RNF150: variants seen among roughly 807,000 people sequenced by gnomAD.
RNF150 encodes ring finger protein 150.
In RNF150, 24 loss-of-function variants were observed where a neutral mutation model predicts 39.3. That is an observed-to-expected ratio of 0.61 (90% CI 0.44 to 0.86). RNF150 has a LOEUF of 0.86. RNF150 is among the 40% of genes least tolerant of loss of function. RNF150 has a pLI of 0.00. For missense variants in RNF150, 502 were observed against 587.8 expected, an observed-to-expected ratio of 0.85 and a Z score of 1.51; for synonymous variants, 255 against 227.3, an observed-to-expected ratio of 1.12 and a Z score of -1.10.
chr4:140,894,662 C>T (rs962842722), intron 6 of RNF150, among the ~76,000 whole-genome samples: 1 of 152,200 alleles, frequency 6.6e-6, no homozygotes, highest in Non-Finnish European at 1.5e-5. Context: ...AATCAATGCA[C>T]ATTTTGAACT....
rs1426216445 is a variant in RNF150 at position 140,911,008 on chromosome 4, G to C, written c.1198+136C>G. The C allele has an allele frequency of 7.1e-6, 5 of 706,936 alleles. No individual in the cohort carries two copies. In the Admixed American group the frequency reaches 1.4e-4, roughly 20 times the overall value. 43.8% of individuals were successfully genotyped at this position (706,936 alleles called of 1,614,324 possible). A position where few individuals can be genotyped will look rare whatever the true frequency, so the allele number is the denominator to read the frequency against. On this transcript the variant is annotated intron_variant, in intron 6 of 6. Transcript: ENST00000515673. The stretch of plus-strand genomic sequence containing the variant: ...AGGAAAGGCAGTTCTTCTAACAGCT[G>C]GCAGTTATAACTGATGAACCTAGCA...
chr4:140,959,726 A>G (rs1316235776), intron 2 of RNF150, among the ~76,000 whole-genome samples: 1 of 152,084 alleles, frequency 6.6e-6, no homozygotes, highest in African/African-American at 2.4e-5. Flanking sequence ...CCTTGTTTCA[A>G]CTCCCTCAGA....
intron 4 of RNF150, among the ~76,000 whole-genome samples, chr4:140,937,867 A>G (rs374589336): frequency 9.1e-4 from 139 of 152,306 alleles, no homozygotes; most frequent in African/African-American, 3.2e-3. Context: ...TGACCAATTC[A>G]TAACATAGGC....
intron 1 of RNF150, among the ~76,000 whole-genome samples, chr4:141,081,229 G>A (rs1390658174): frequency 1.3e-5 from 2 of 152,168 alleles, no homozygotes; most frequent in South Asian, 4.1e-4. Context: ...TTAGATGTTA[G>A]TTGAACTGTT....
At chr4:141,087,475 T>G (rs1372581488) in intron 1 of RNF150, among the ~76,000 whole-genome samples, 2 of 152,220 alleles carry the variant, frequency 1.3e-5, no homozygotes, top group Non-Finnish European at 2.9e-5. Flanking sequence ...ACTTTCACCT[T>G]ACATCTCTAA....
chr4:141,042,698 G>C (rs1475465756), intron 1 of RNF150, among the ~76,000 whole-genome samples: 2 of 152,036 alleles, frequency 1.3e-5, no homozygotes, highest in South Asian at 2.1e-4. Flanking sequence ...TATTGAAGGG[G>C]TAGTGCTTCT....
chr4:141,143,398 G>GC (rs1374239525), intron 1 of RNF150, among the ~76,000 whole-genome samples: 1 of 151,988 alleles, frequency 6.6e-6, no homozygotes, highest in Non-Finnish European at 1.5e-5. Flanking sequence ...ACTGCTCCCT[G>GC]CCCCACGTCT....
chr4:140,869,049 A>C (rs980088362), intron 6 of RNF150, among the ~76,000 whole-genome samples: 3 of 152,194 alleles, frequency 2.0e-5, no homozygotes, highest in African/African-American at 7.2e-5. Context: ...TTCACTCAGT[A>C]ATTTCATTTC....
chr4:141,111,233 C>T (rs1739375740), intron 1 of RNF150, among the ~76,000 whole-genome samples: 1 of 152,164 alleles, frequency 6.6e-6, no homozygotes, highest in Non-Finnish European at 1.5e-5. Context: ...TATTGTTCAC[C>T]TGCTGGGATA....
chr4:141,125,840 T>C (rs1407571921), intron 1 of RNF150, among the ~76,000 whole-genome samples: 1 of 152,164 alleles, frequency 6.6e-6, no homozygotes, highest in Non-Finnish European at 1.5e-5. Context: ...GAGATGATGA[T>C]TGAATTCTTA....
chr4:141,078,832 T>TATATATATACAC (rs1269919232), intron 1 of RNF150, among the ~76,000 whole-genome samples: 5 of 102,868 alleles, frequency 4.9e-5, no homozygotes, highest in African/African-American at 2.0e-4. Flanking sequence ...TATATATATA[T>TATATATATACAC]ACACACACAC....
chr4:140,965,039 C>A (rs1343992706), intron 2 of RNF150, among the ~76,000 whole-genome samples: 1 of 151,950 alleles, frequency 6.6e-6, no homozygotes, highest in Non-Finnish European at 1.5e-5. Flanking sequence ...CTACTTCATT[C>A]ATTACACTGA....
At position 141,121,524 on chromosome 4, in the gene RNF150, G is replaced by C. The variant is rs1220672721; in HGVS notation, c.484+10801C>G. On this transcript the variant is annotated intron_variant, in intron 1 of 6. Transcript: ENST00000515673. ...CTGCTCGTATAATAATCAACATTTA[G>C]CATATAGATGAAATTTCACCCAATC... 2.6e-5 allele frequency among the ~76,000 whole-genome samples: 4 copies of C among 152,218 alleles called. No individual in the cohort carries two copies. In the East Asian group the frequency reaches 5.8e-4, roughly 22 times the overall value.
intron 1 of RNF150, among the ~76,000 whole-genome samples, chr4:140,999,977 A>AG (rs70946722): frequency 0.33 from 11,039 of 33,354 alleles, 3,062 homozygotes; most frequent in South Asian, 0.56. Context: ...AAGAAGAAGA[A>AG]AAGAAGAAAA....
At chr4:141,206,141 C>A (rs144225495) in intron 1 of RNF150, among the ~76,000 whole-genome samples, 287 of 152,062 alleles carry the variant, frequency 1.9e-3, no homozygotes, top group African/African-American at 6.4e-3. Flanking sequence ...TGTTCCTGGC[C>A]GGGCGTGGTG....
intron 1 of RNF150, among the ~76,000 whole-genome samples, chr4:141,170,797 G>A (rs1432428556): frequency 1.3e-5 from 2 of 152,180 alleles, no homozygotes; most frequent in African/African-American, 4.8e-5. Context: ...GTGTTCCAGA[G>A]AATAATTGAA....
chr4:141,133,773 T>C (rs754100916), upstream of RNF150, among the ~76,000 whole-genome samples: 3 of 152,150 alleles, frequency 2.0e-5, no homozygotes, highest in Non-Finnish European at 4.4e-5. Flanking sequence ...GCTCCCTGAT[T>C]ACCTGTCCTA....
At chr4:141,040,463 G>A (rs1315637205) in intron 1 of RNF150, among the ~76,000 whole-genome samples, 2 of 152,136 alleles carry the variant, frequency 1.3e-5, no homozygotes, top group Non-Finnish European at 2.9e-5. Flanking sequence ...CTTGGAGATG[G>A]AAATAATAAT....
chr4:141,035,751 T>C (rs1443615518), intron 1 of RNF150, among the ~76,000 whole-genome samples: 1 of 152,098 alleles, frequency 6.6e-6, no homozygotes, highest in African/African-American at 2.4e-5. Context: ...AGAGAATAAA[T>C]ATTAAAATAA....
Sources: gnomAD v4.1 joint callset for allele counts (sites outside exome capture counted in the v4.1 genomes callset) on GRCh38, gnomAD v4.1.1 for gene constraint, MANE v1.5 for transcripts, NCBI Gene and HGNC (gene_info 2026-07-23, HGNC 2026-07-21) for gene names.